Variants in PCDHA4 observed in about 807,000 individuals in gnomAD.
PCDHA4 encodes the protein protocadherin alpha 4.
In PCDHA4, 49 loss-of-function variants were observed where a neutral mutation model predicts 61.4. The observed-to-expected ratio is 0.80, with a 90% CI of 0.63 to 1.01. The LOEUF is 1.01. PCDHA4 is among the 50% of genes least tolerant of loss of function. PCDHA4 has a pLI of 0.00. For missense variants in PCDHA4, 1,254 were observed against 1,235.8 expected (o/e 1.01, Z -0.22); for synonymous variants, 590 against 550.3 (o/e 1.07, Z -1.01).
In PCDHA4 at chr5:141,011,437, GA is replaced by G. The variant is rs1196462702; in HGVS notation, c.*1501del. The G allele has an allele frequency of 2.6e-5, 4 of 153,726 alleles. No homozygotes were observed. Among genetic ancestry groups the G allele is most frequent in the African/African-American group, 9.7e-5 (4 of 41,440 alleles). 9.5% of individuals were successfully genotyped at this position (153,726 alleles called of 1,614,324 possible). ...TGAATGTTAATGCAACTATTACCTA[GA>G]GTGAACTTTAAGCTTTATTGTTGAA... is the stretch of plus-strand genomic sequence containing the variant. On this transcript the variant is annotated 3_prime_UTR_variant, in exon 4 of 4. Transcript: ENST00000530339.
chr5:140,840,552 T>C (rs1158381714), intron 1 of PCDHA4, among the ~76,000 whole-genome samples: 1 of 152,052 alleles, frequency 6.6e-6, no homozygotes, highest in Non-Finnish European at 1.5e-5. Flanking sequence ...ATGATGGCAA[T>C]ACTGCTAGAG....
Position 140,963,600 on chromosome 5 carries a change from G to A in PCDHA4, c.2386-15349G>A, listed in dbSNP as rs111244023. Among the ~76,000 whole-genome samples, 12 of 152,298 alleles carry A rather than the reference G, an allele frequency of 7.9e-5. No homozygotes were observed. In the South Asian group the frequency reaches 1.7e-3, roughly 21 times the overall value. ...CAAAATGTAGGATATAGTTCTAGAC[G>A]TAATTGGGAAAGCTTAACTTTGTTG... On this transcript the variant is annotated intron_variant, in intron 1 of 3. Transcript: ENST00000530339.
At chr5:140,836,032 C>A (rs1554135559) in intron 1 of PCDHA4, 2 of 1,613,416 alleles carry the variant, frequency 1.2e-6, no homozygotes, top group Non-Finnish European at 8.5e-7. Context: ...AGCAACGTGA[C>A]GCTGCAGGTG....
chr5:140,861,274 GCT>G lies in PCDHA4; in HGVS notation c.2385+51703_2385+51704del, dbSNP rs538032435. The G allele has an allele frequency of 1.4e-4, 25 of 180,670 alleles. 1 individual carries two copies. In the South Asian group the frequency reaches 2.9e-3, roughly 21 times the overall value. 11.2% of individuals were successfully genotyped at this position (180,670 alleles called of 1,614,324 possible). On this transcript the variant is annotated intron_variant, in intron 1 of 3. Transcript: ENST00000530339. The stretch of plus-strand genomic sequence containing the variant: ...AGGAATCCCGGAGCCTACAGCACTG[GCT>G]TCTGCTCCTTGAATTTTGTGAAGCG...
chr5:140,822,989 C>G, intron 1 of PCDHA4: 1 of 1,614,244 alleles, frequency 6.2e-7, no homozygotes, highest in Non-Finnish European at 8.5e-7. Flanking sequence ...AATTACTACT[C>G]GTTGGTGCTG....
In PCDHA4 at chr5:140,855,179, G is replaced by A. The variant is rs181253905; in HGVS notation, c.2385+45607G>A. Among the ~76,000 whole-genome samples, 493 of 149,782 alleles carry A rather than the reference G, an allele frequency of 3.3e-3. 32 individuals carry two copies. The highest frequency in any genetic ancestry group is 0.014 in the Middle Eastern group (4 of 290). ...ATTGAGCCTCATGAAAACAAATGTGGCCAAATTGAGGCCTGAGAATAGTTT... is the reference window on the plus strand; with the variant it reads ...ATTGAGCCTCATGAAAACAAATGTGACCAAATTGAGGCCTGAGAATAGTTT... On this transcript the variant is annotated intron_variant, in intron 1 of 3. Coordinates refer to ENST00000530339, the MANE Select transcript of PCDHA4 (RefSeq NM_018907.4).
At chr5:140,953,227 G>A (rs269546) in intron 1 of PCDHA4, among the ~76,000 whole-genome samples, 34,007 of 151,960 alleles carry the variant, frequency 0.22, 4,902 homozygotes, top group African/African-American at 0.41. Flanking sequence ...GCTTCTGCTT[G>A]GTAGCAGTTC....
chr5:140,955,571 G>A (rs1371078633), intron 1 of PCDHA4, among the ~76,000 whole-genome samples: 2 of 152,158 alleles, frequency 1.3e-5, no homozygotes, highest in Non-Finnish European at 2.9e-5. Flanking sequence ...ACTGAACTGT[G>A]AGTCAATTAA....
At position 140,841,557 on chromosome 5, in the gene PCDHA4, T is replaced by A. The variant is rs2150318209; in HGVS notation, c.2385+31985T>A. On this transcript the variant is annotated intron_variant, in intron 1 of 3. Coordinates refer to ENST00000530339, the MANE Select transcript of PCDHA4 (RefSeq NM_018907.4). The stretch of plus-strand genomic sequence containing the variant: ...CACCGGGACCTTCTGGAGGTAAGTC[T>A]GCAGAATGGCATTTTGTTTGTGAAT... The A allele has an allele frequency of 2.5e-6, 4 of 1,613,864 alleles. No individual in the cohort carries two copies. The East Asian group carries it at 8.9e-5, about 36-fold the overall frequency.
At position 140,876,399 on chromosome 5, in the gene PCDHA4, T is replaced by C. The variant is rs141337647; in HGVS notation, c.2385+66827T>C. The C allele has an allele frequency of 1.9e-4, 306 of 1,613,906 alleles. 1 individual carries two copies. In the African/African-American group the frequency reaches 3.4e-3, roughly 18 times the overall value. On this transcript the variant is annotated intron_variant, in intron 1 of 3. Transcript: ENST00000530339. Reference sequence around the variant, plus strand: ...AAATTAGAATTTATGGTGAACTGGATTTTGAAGAGAATAATGCCTATGAAA... The same window carrying C: ...AAATTAGAATTTATGGTGAACTGGACTTTGAAGAGAATAATGCCTATGAAA...
intron 1 of PCDHA4, among the ~76,000 whole-genome samples, chr5:140,939,846 T>G (rs2092473465): frequency 6.6e-6 from 1 of 152,222 alleles, no homozygotes; most frequent in Non-Finnish European, 1.5e-5. Flanking sequence ...GTTGTTGTGT[T>G]CTGTATATGT....
chr5:140,849,126 T>C, intron 1 of PCDHA4: 1 of 1,386,260 alleles, frequency 7.2e-7, no homozygotes, highest in East Asian at 2.4e-5. Flanking sequence ...GCTTCATTTA[T>C]TGCTCACGGC....
At chr5:140,869,170 T>C in intron 1 of PCDHA4, 3 of 1,613,920 alleles carry the variant, frequency 1.9e-6, no homozygotes, top group Non-Finnish European at 2.5e-6. Context: ...CCTCCTCGAA[T>C]TCTGGGAGGT....
chr5:140,882,572 T>C, intron 1 of PCDHA4: 1 of 1,614,106 alleles, frequency 6.2e-7, no homozygotes, highest in Non-Finnish European at 8.5e-7. Flanking sequence ...GAGCGCGGAG[T>C]GCAGCATCCA....
At chr5:140,871,049 T>A in intron 1 of PCDHA4, 4 of 1,613,302 alleles carry the variant, frequency 2.5e-6, no homozygotes, top group Non-Finnish European at 3.4e-6. Flanking sequence ...CTTCTAGTAC[T>A]GGTGAAGGAT....
chr5:140,845,564 A>G (rs945837920), intron 1 of PCDHA4, among the ~76,000 whole-genome samples: 4 of 149,618 alleles, frequency 2.7e-5, no homozygotes, highest in African/African-American at 9.8e-5. Context: ...TTAGCTATTA[A>G]GAATTTCTGG....
chr5:140,931,215 CAG>C (rs2087377353), intron 1 of PCDHA4, among the ~76,000 whole-genome samples: 1 of 152,106 alleles, frequency 6.6e-6, no homozygotes, highest in East Asian at 1.9e-4. Flanking sequence ...TTTCAGGTAT[CAG>C]AGCACTTAAT....
intron 1 of PCDHA4, among the ~76,000 whole-genome samples, chr5:140,951,775 A>G (rs1554220072): frequency 1.3e-5 from 2 of 152,164 alleles, no homozygotes; most frequent in African/African-American, 4.8e-5. Context: ...ACGTTCTTAC[A>G]TTGCAAAATA....
intron 1 of PCDHA4, chr5:140,828,077 C>T (rs782554927): frequency 1.9e-6 from 3 of 1,577,254 alleles, no homozygotes; most frequent in East Asian, 2.2e-5. Context: ...GGAAATAAAA[C>T]CAGAGGTATT....
Sources: gnomAD v4.1 joint callset for allele counts (sites outside exome capture counted in the v4.1 genomes callset) on GRCh38, gnomAD v4.1.1 for gene constraint, MANE v1.5 for transcripts, NCBI Gene and HGNC (gene_info 2026-07-23, HGNC 2026-07-21) for gene names.